The following PAPOLA variants were observed in gnomAD, a reference collection of about 807,000 sequenced individuals.
PAPOLA encodes the protein poly(A) polymerase alpha, also known as polynucleotide adenylyltransferase alpha.
In PAPOLA, 15 loss-of-function variants were observed where a neutral mutation model predicts 100.6. The ratio of observed to expected loss-of-function variants is 0.15; its 90% confidence interval spans 0.10 to 0.23. The LOEUF is 0.23. Among genes scored for constraint, PAPOLA ranks in the 10% least tolerant of loss-of-function variants. The pLI is 1.00. For missense variants in PAPOLA, 533 were observed against 884.2 expected (o/e 0.60, Z 5.04); for synonymous variants, 293 against 300.0 (o/e 0.98, Z 0.24).
At chr14:96,533,289 T>C in intron 9 of PAPOLA, 1 of 984,916 alleles carries the variant, frequency 1.0e-6, no homozygotes, top group Non-Finnish European at 1.2e-6. Flanking sequence ...GTGAGGGTTC[T>C]TGGTTTTTAA....
intron 9 of PAPOLA, chr14:96,532,955 C>T: frequency 1.9e-6 from 2 of 1,057,600 alleles, no homozygotes; most frequent in Non-Finnish European, 1.1e-6. Flanking sequence ...AGTTACTATA[C>T]TTTTGGATAA....
intron 20 of PAPOLA, 74 bp from the exon 21 acceptor site, chr14:96,562,745 C>A: frequency 2.3e-6 from 2 of 855,228 alleles, no homozygotes; most frequent in South Asian, 1.5e-5. Flanking sequence ...CTTTATTAGC[C>A]ACCAAACCCA....
At chr14:96,516,819 A>G (rs148197663) in intron 1 of PAPOLA, among the ~76,000 whole-genome samples, 3 of 152,244 alleles carry the variant, frequency 2.0e-5, no homozygotes, top group African/African-American at 7.2e-5. Flanking sequence ...ATTAGGCTGA[A>G]CAAGTCTTGT....
In PAPOLA at chr14:96,502,529, C is replaced by A; in HGVS notation, c.-64C>A. 7.3e-7 allele frequency: 1 copy of A among 1,363,186 alleles called. No homozygotes were observed. Among genetic ancestry groups the A allele is most frequent in the Non-Finnish European group, 1.0e-6 (1 of 984,232 alleles). 84.4% of individuals were successfully genotyped at this position (1,363,186 alleles called of 1,614,324 possible). A position where few individuals can be genotyped will look rare whatever the true frequency, so the allele number is the denominator to read the frequency against. On this transcript the variant is annotated 5_prime_UTR_variant, in exon 1 of 22. Coordinates refer to ENST00000216277, the MANE Select transcript of PAPOLA (RefSeq NM_032632.5). ...CTCCCTCCCGCCTCAGTGGATCATGCCCAGGGCGGCAGCGGCGGCGGTTGC... is the reference window on the plus strand; with the variant it reads ...CTCCCTCCCGCCTCAGTGGATCATGACCAGGGCGGCAGCGGCGGCGGTTGC...
chr14:96,517,942 T>C (rs1172862372), intron 1 of PAPOLA, among the ~76,000 whole-genome samples: 1 of 152,114 alleles, frequency 6.6e-6, no homozygotes, highest in Non-Finnish European at 1.5e-5. Flanking sequence ...CCTCAAATCA[T>C]CTGCCCTCCT....
chr14:96,538,619 G>C (rs527590097), intron 12 of PAPOLA, among the ~76,000 whole-genome samples: 5 of 152,120 alleles, frequency 3.3e-5, no homozygotes, highest in African/African-American at 1.2e-4. Context: ...CATTTCAGCT[G>C]AGTGTCTTGT....
chr14:96,556,450 A>G (rs753267345), intron 19 of PAPOLA, 37 bp downstream of exon 19: 1 of 1,265,220 alleles, frequency 7.9e-7, no homozygotes, highest in South Asian at 1.3e-5. Flanking sequence ...AGCCATGGCA[A>G]CACCAACTGC....
intron 19 of PAPOLA, among the ~76,000 whole-genome samples, chr14:96,557,296 C>T (rs932100538): frequency 6.6e-6 from 1 of 152,220 alleles, no homozygotes; most frequent in Non-Finnish European, 1.5e-5. Flanking sequence ...AGCGATCCTC[C>T]TGTCTTGGTC....
At chr14:96,536,099 C>G (rs1012641848) in intron 11 of PAPOLA, 100 bp downstream of exon 11, 1 of 866,972 alleles carries the variant, frequency 1.2e-6, no homozygotes, top group Non-Finnish European at 1.6e-6. Flanking sequence ...GAAGGATTCA[C>G]TGAAGTGGAT....
In PAPOLA at chr14:96,566,503, CAT is replaced by C. The variant is rs1336944289; in HGVS notation, c.*1454_*1455del. 1.3e-5 allele frequency: 2 copies of C among 152,584 alleles called. No homozygotes were observed. The highest frequency in any genetic ancestry group is 4.8e-5 in the African/African-American group (2 of 41,452). 9.5% of individuals were successfully genotyped at this position (152,584 alleles called of 1,614,324 possible). ...TCCTCCATTGTGCTCCATTCTATCA[CAT>C]GTGCATTTTTCATGTTAAACTGCAA... On this transcript the variant is annotated 3_prime_UTR_variant, in exon 22 of 22. Transcript: ENST00000216277.
intron 10 of PAPOLA, chr14:96,534,875 A>G (rs1343767710): frequency 2.8e-6 from 3 of 1,075,214 alleles, no homozygotes; most frequent in Non-Finnish European, 2.3e-6. Context: ...TAAAAAAAAT[A>G]AAAGGATACT....
At chr14:96,516,310 G>A (rs747905224) in intron 1 of PAPOLA, among the ~76,000 whole-genome samples, 6 of 151,920 alleles carry the variant, frequency 3.9e-5, no homozygotes, top group South Asian at 2.1e-4. Context: ...CTATGTTAAC[G>A]TAGTTTTTCC....
intron 1 of PAPOLA, chr14:96,502,862 T>C: frequency 4.8e-6 from 2 of 418,908 alleles, no homozygotes; most frequent in Non-Finnish European, 8.5e-6. Flanking sequence ...CCGGAATTGC[T>C]GGCGGAACCT....
intron 9 of PAPOLA, chr14:96,533,906 G>A (rs1899291794): frequency 1.0e-6 from 1 of 985,454 alleles, no homozygotes; most frequent in Non-Finnish European, 1.2e-6. Flanking sequence ...TTTTTAAGAA[G>A]CTAACCTTGA....
In PAPOLA at chr14:96,502,430, A is replaced by C; in HGVS notation, c.-163A>C. Reference sequence around the variant, plus strand: ...GGGCGCCATGTTAGGACGAAGGGGAAGGAGGAGAAGCGCTTAAAGCGGCGG... The same window carrying C: ...GGGCGCCATGTTAGGACGAAGGGGACGGAGGAGAAGCGCTTAAAGCGGCGG... On this transcript the variant is annotated 5_prime_UTR_variant, in exon 1 of 22. Coordinates refer to ENST00000216277, the MANE Select transcript of PAPOLA (RefSeq NM_032632.5). 7 of 699,116 alleles carry C rather than the reference A, an allele frequency of 1.0e-5. No individual in the cohort carries two copies. The highest frequency in any genetic ancestry group is 1.8e-5 in the Non-Finnish European group (7 of 383,132). 43.3% of individuals were successfully genotyped at this position (699,116 alleles called of 1,614,324 possible).
intron 7 of PAPOLA, 140 bp from the exon 8 acceptor site, chr14:96,532,191 A>G (rs748588121): frequency 1.0e-5 from 14 of 1,401,614 alleles, no homozygotes; most frequent in Non-Finnish European, 1.3e-5. Flanking sequence ...ATAAAAATTT[A>G]TGTTTACTTT....
intron 19 of PAPOLA, chr14:96,560,377 C>T: frequency 1.2e-5 from 3 of 256,766 alleles, no homozygotes; most frequent in East Asian, 7.9e-5. Flanking sequence ...AAATATATTT[C>T]TATGAACTCT....
intron 16 of PAPOLA, among the ~76,000 whole-genome samples, chr14:96,551,013 C>T (rs1900806425): frequency 6.6e-6 from 1 of 152,118 alleles, no homozygotes; most frequent in African/African-American, 2.4e-5. Flanking sequence ...GGACCTAGGT[C>T]TGACTGCAAA....
At chr14:96,543,652 GTAGA>G (rs1421240822) in intron 14 of PAPOLA, among the ~76,000 whole-genome samples, 2 of 151,840 alleles carry the variant, frequency 1.3e-5, no homozygotes, top group East Asian at 1.9e-4. Flanking sequence ...GTTCCATTCA[GTAGA>G]TAAACTGTTA....
Sources: gnomAD v4.1 joint callset for allele counts (sites outside exome capture counted in the v4.1 genomes callset) on GRCh38, gnomAD v4.1.1 for gene constraint, MANE v1.5 for transcripts, NCBI Gene and HGNC (gene_info 2026-07-23, HGNC 2026-07-21) for gene names.